The following TSPAN12 variants were observed in gnomAD, a reference collection of about 807,000 sequenced individuals.
TSPAN12 encodes tetraspanin 12, also known as tetraspanin-12.
A neutral mutation model predicts 39.2 loss-of-function variants in TSPAN12; 19 were observed. The ratio of observed to expected loss-of-function variants is 0.49; its 90% CI spans 0.34 to 0.71. The LOEUF is 0.71. Ranked by LOEUF, TSPAN12 falls within the 30% of genes least tolerant of loss-of-function variation. The probability of loss-of-function intolerance (pLI) is 0.01; values close to 1 mark genes in which losing one functional copy is unlikely to be tolerated. For synonymous variants in TSPAN12, 119 were observed against 124.8 expected, an observed-to-expected ratio of 0.95 and a Z score of 0.31; for missense variants, 314 against 359.9, an observed-to-expected ratio of 0.87 and a Z score of 1.03.
intron 6 of TSPAN12, among the ~76,000 whole-genome samples, chr7:120,807,936 T>G (rs1457791408): frequency 6.6e-6 from 1 of 152,236 alleles, no homozygotes; most frequent in South Asian, 2.1e-4. Context: ...CATCACAAAT[T>G]TAGTCAATAA....
intron 2 of TSPAN12, among the ~76,000 whole-genome samples, chr7:120,854,506 G>A (rs1446489644): frequency 6.6e-6 from 1 of 152,142 alleles, no homozygotes; most frequent in Non-Finnish European, 1.5e-5. Flanking sequence ...CTAAAAGATA[G>A]GGAACTATGA....
chr7:120,826,424 T>C (rs1026328531), intron 4 of TSPAN12, among the ~76,000 whole-genome samples: 17 of 152,150 alleles, frequency 1.1e-4, no homozygotes, highest in Non-Finnish European at 1.9e-4. Context: ...TCAGCTAAAG[T>C]GTGCAAGCTC....
intron 7 of TSPAN12, among the ~76,000 whole-genome samples, chr7:120,799,631 TTA>T (rs933663835): frequency 1.0e-5 from 1 of 96,314 alleles, no homozygotes; most frequent in Non-Finnish European, 1.9e-5. Flanking sequence ...AATATAATTA[TTA>T]TATATACTTA....
In TSPAN12 at chr7:120,815,709, T is replaced by A. The variant is rs1383286857; in HGVS notation, c.360+20A>T. 1 of 1,601,990 alleles carries A rather than the reference T, an allele frequency of 6.2e-7. No individual in the cohort carries two copies. The highest frequency in any genetic ancestry group is 8.5e-7 in the Non-Finnish European group (1 of 1,170,780). On this transcript the variant is annotated intron_variant, in intron 5 of 7. Coordinates refer to ENST00000222747, the MANE Select transcript of TSPAN12 (RefSeq NM_012338.4). Reference sequence around the variant, plus strand: ...CTGAACTGTTGTTTTAGATTGTGATTATATCTATTTTGAACTCACCATAAG... The same window carrying A: ...CTGAACTGTTGTTTTAGATTGTGATAATATCTATTTTGAACTCACCATAAG...
chr7:120,795,565 C>A (rs1793612256), intron 7 of TSPAN12, among the ~76,000 whole-genome samples: 1 of 152,176 alleles, frequency 6.6e-6, no homozygotes. Context: ...AAAAGTCGGG[C>A]AGCCTTTTAA....
intron 4 of TSPAN12, among the ~76,000 whole-genome samples, chr7:120,830,792 A>C (rs1794375809): frequency 6.6e-6 from 1 of 152,112 alleles, no homozygotes; most frequent in African/African-American, 2.4e-5. Context: ...AGAAATAGAC[A>C]CATGAGAAAA....
At chr7:120,799,577 A>G (rs1316881079) in intron 7 of TSPAN12, among the ~76,000 whole-genome samples, 2 of 96,452 alleles carry the variant, frequency 2.1e-5, no homozygotes, top group South Asian at 5.3e-4. Context: ...TATTTATATA[A>G]TTATATGTAA....
At chr7:120,834,589 A>T (rs1398928665) in intron 4 of TSPAN12, among the ~76,000 whole-genome samples, 1 of 151,918 alleles carries the variant, frequency 6.6e-6, no homozygotes, top group Non-Finnish European at 1.5e-5. Flanking sequence ...GCTCTTTTTT[A>T]TATATATATA....
At chr7:120,846,642 C>T (rs1282730011) in intron 2 of TSPAN12, among the ~76,000 whole-genome samples, 1 of 152,170 alleles carries the variant, frequency 6.6e-6, no homozygotes, top group Non-Finnish European at 1.5e-5. Context: ...CCACTCTTTG[C>T]CAGGCACTGT....
At chr7:120,802,443 C>G (rs1793792674) in intron 7 of TSPAN12, among the ~76,000 whole-genome samples, 1 of 152,176 alleles carries the variant, frequency 6.6e-6, no homozygotes, top group Admixed American at 6.5e-5. Flanking sequence ...CAACAAAGCT[C>G]CAGCACATTA....
chr7:120,790,518 G>C (rs112655696), intron 7 of TSPAN12, among the ~76,000 whole-genome samples: 35 of 152,310 alleles, frequency 2.3e-4, no homozygotes, highest in Admixed American at 2.0e-3. Context: ...ATTAAAAATA[G>C]ATGGAAAATC....
chr7:120,852,975 T>C (rs972496484), intron 2 of TSPAN12, among the ~76,000 whole-genome samples: 7 of 152,228 alleles, frequency 4.6e-5, no homozygotes, highest in African/African-American at 1.4e-4. Flanking sequence ...AAACACCTTC[T>C]GACTTGGTAA....
chr7:120,854,746 G>A (rs1045922221), intron 2 of TSPAN12, among the ~76,000 whole-genome samples: 1 of 152,162 alleles, frequency 6.6e-6, no homozygotes, highest in African/African-American at 2.4e-5. Flanking sequence ...TGTATCTGTT[G>A]TGGACAGGTA....
intron 7 of TSPAN12, among the ~76,000 whole-genome samples, chr7:120,801,253 C>G (rs1213447416): frequency 1.3e-5 from 2 of 152,078 alleles, no homozygotes; most frequent in Non-Finnish European, 2.9e-5. Flanking sequence ...TCCTGTAAGC[C>G]AAGACTCGGA....
chr7:120,815,366 C>T (rs1460681947), intron 5 of TSPAN12, among the ~76,000 whole-genome samples: 1 of 152,172 alleles, frequency 6.6e-6, no homozygotes, highest in Non-Finnish European at 1.5e-5. Context: ...CCTATCCCCA[C>T]ATATCAAGGG....
At position 120,810,626 on chromosome 7, in the gene TSPAN12, A is replaced by T. The variant is rs1584932003; in HGVS notation, c.361-56T>A. On this transcript the variant is annotated intron_variant, in intron 5 of 7. Transcript: ENST00000222747. ...GTAGCTCACACACAGACACAGATTCACACACACACACACACACACACACAC... is the reference window on the plus strand; with the variant it reads ...GTAGCTCACACACAGACACAGATTCTCACACACACACACACACACACACAC... 7 of 395,958 alleles carry T rather than the reference A, an allele frequency of 1.8e-5. No individual in the cohort carries two copies. In the East Asian group the frequency reaches 2.2e-4, roughly 13 times the overall value. The allele number at this position is 395,958 out of a possible 1,614,324, so 24.5% of individuals were successfully genotyped here.
intron 4 of TSPAN12, among the ~76,000 whole-genome samples, chr7:120,830,706 A>T (rs993099364): frequency 6.6e-6 from 1 of 152,124 alleles, no homozygotes; most frequent in Non-Finnish European, 1.5e-5. Context: ...AAGACAATGC[A>T]TGAGAAGAAC....
At chr7:120,837,455 G>A (rs569102829) in intron 4 of TSPAN12, among the ~76,000 whole-genome samples, 1 of 151,950 alleles carries the variant, frequency 6.6e-6, no homozygotes, top group Non-Finnish European at 1.5e-5. Context: ...GGGACTACAG[G>A]TGCCCGCCAA....
At chr7:120,817,234 A>G (rs1168807522) in intron 4 of TSPAN12, among the ~76,000 whole-genome samples, 2 of 151,954 alleles carry the variant, frequency 1.3e-5, no homozygotes, top group Admixed American at 6.6e-5. Context: ...GAAGAAGAAA[A>G]GAAAATTAGC....
Sources: gnomAD v4.1 joint callset for allele counts (sites outside exome capture counted in the v4.1 genomes callset) on GRCh38, gnomAD v4.1.1 for gene constraint, MANE v1.5 for transcripts, NCBI Gene and HGNC (gene_info 2026-07-23, HGNC 2026-07-21) for gene names.